ETFBKMT: variants seen among roughly 807,000 people sequenced by gnomAD.
ETFBKMT encodes the protein electron transfer flavoprotein subunit beta lysine methyltransferase.
In ETFBKMT, 13 loss-of-function variants were observed where a neutral mutation model predicts 18.3. That is an observed-to-expected ratio of 0.71 (90% CI 0.46 to 1.13). The LOEUF is 1.13. ETFBKMT is among the 50% of genes most tolerant of loss of function. The pLI is 0.00. For missense variants in ETFBKMT, 293 were observed against 306.2 expected (o/e 0.96, Z 0.32); for synonymous variants, 84 against 107.9 (o/e 0.78, Z 1.37).
chr12:31,658,511 G>T (rs537555581), upstream of ETFBKMT, among the ~76,000 whole-genome samples: 1 of 152,318 alleles, frequency 6.6e-6, no homozygotes, highest in South Asian at 2.1e-4. Context: ...AGTTCCTAAA[G>T]ATTCCAGTTT....
rs1951238168 is a variant in ETFBKMT at position 31,669,480 on chromosome 12, A to G, written c.*1490A>G. The G allele has an allele frequency of 6.6e-6, 1 of 152,180 alleles. No individual in the cohort carries two copies. Among genetic ancestry groups the G allele is most frequent in the Non-Finnish European group, 1.5e-5 (1 of 68,054 alleles). The allele number at this position is 152,180 out of a possible 1,614,324, so 9.4% of individuals were successfully genotyped here. A position where few individuals can be genotyped will look rare whatever the true frequency, so the allele number is the denominator to read the frequency against. On this transcript the variant is annotated 3_prime_UTR_variant, in exon 4 of 4. Transcript: ENST00000357721. Reference sequence around the variant, plus strand: ...CAGGTCAACGAGGCTCTGGTAAAATAGTTTCCCTTGAGAACTGGCTTTTGT... The same window carrying G: ...CAGGTCAACGAGGCTCTGGTAAAATGGTTTCCCTTGAGAACTGGCTTTTGT...
In ETFBKMT at chr12:31,669,623, A is replaced by G. The variant is rs1437419556; in HGVS notation, c.*1633A>G. The stretch of plus-strand genomic sequence containing the variant: ...AGAACCTGGTAGGTATCCTGGAGGT[A>G]AAACTATGAAAGTGTGGTGTCTCCC... On this transcript the variant is annotated 3_prime_UTR_variant, in exon 4 of 4. Transcript: ENST00000357721. 2.0e-5 allele frequency: 3 copies of G among 152,246 alleles called. No individual in the cohort carries two copies. The highest frequency in any genetic ancestry group is 1.5e-5 in the Non-Finnish European group (1 of 68,052). 9.4% of individuals were successfully genotyped at this position (152,246 alleles called of 1,614,324 possible).
chr12:31,667,527 A>G, intron 3 of ETFBKMT, 120 bp from the exon 4 acceptor site: 1 of 801,780 alleles, frequency 1.2e-6, no homozygotes, highest in Non-Finnish European at 1.9e-6. Context: ...TTTAAAAAAC[A>G]ACTTTCATCA....
chr12:31,665,650 G>A (rs753293999), intron 2 of ETFBKMT, among the ~76,000 whole-genome samples: 3 of 152,152 alleles, frequency 2.0e-5, no homozygotes, highest in Non-Finnish European at 4.4e-5. Flanking sequence ...AGACCTGAGA[G>A]CCCCGAACAG....
At chr12:31,661,080 G>A (rs533131710) in intron 1 of ETFBKMT, 53 of 152,214 alleles carry the variant, frequency 3.5e-4, no homozygotes, top group African/African-American at 1.1e-3. Flanking sequence ...TAGCATTTAC[G>A]TTGTATTAAG....
chr12:31,648,778 G>A (rs890911776), intron 1 of ETFBKMT, among the ~76,000 whole-genome samples: 4 of 151,906 alleles, frequency 2.6e-5, no homozygotes, highest in Non-Finnish European at 4.4e-5. Context: ...AGCCAGGATG[G>A]TCTCGATCTC....
chr12:31,660,904 T>C (rs1244110018), intron 1 of ETFBKMT: 1 of 152,240 alleles, frequency 6.6e-6, no homozygotes. Flanking sequence ...ATAAGCTTCC[T>C]GAAGACAGAA....
In ETFBKMT at chr12:31,661,877, C is replaced by A; in HGVS notation, c.-77C>A. ...CCGGTTGAGATCAAGTTGGGAGACA[C>A]ACCCTTGTTCATTCTCCTTGAGAAG... is the stretch of plus-strand genomic sequence containing the variant. On this transcript the variant is annotated 5_prime_UTR_variant, in exon 2 of 4. Coordinates refer to ENST00000357721, the MANE Select transcript of ETFBKMT (RefSeq NM_001135863.2). The A allele has an allele frequency of 7.4e-7, 1 of 1,353,772 alleles. No homozygotes were observed. Among genetic ancestry groups the A allele is most frequent in the Non-Finnish European group, 1.0e-6 (1 of 972,952 alleles). The allele number at this position is 1,353,772 out of a possible 1,614,324, so 83.9% of individuals were successfully genotyped here.
chr12:31,662,046 T>G lies in ETFBKMT; in HGVS notation c.93T>G (p.Cys31Trp). ...LRSSGLLLFPCGQCPWRGAGS... is the reference protein window; with the variant it reads ...LRSSGLLLFPWGQCPWRGAGS... ...GCAGTGGTCTTCTCTTGTTTCCCTGTGGCCAGTGTCCCTGGAGAGGAGCTG... is the reference window on the plus strand; with the variant it reads ...GCAGTGGTCTTCTCTTGTTTCCCTGGGGCCAGTGTCCCTGGAGAGGAGCTG... The change falls in exon 2 of 4, where the codon TGT (cysteine) becomes TGG (tryptophan). Residue 31 changes from cysteine to tryptophan, a missense_variant. Cys to Trp is a radical substitution (Grantham distance 215). Transcript: ENST00000357721. The G allele has an allele frequency of 6.2e-7, 1 of 1,614,236 alleles. No individual in the cohort carries two copies.
At chr12:31,649,726 G>A (rs1004742110) in intron 1 of ETFBKMT, among the ~76,000 whole-genome samples, 1 of 151,230 alleles carries the variant, frequency 6.6e-6, no homozygotes, top group Non-Finnish European at 1.5e-5. Flanking sequence ...ACCCATGAAA[G>A]ATGGTGAACT....
intron 1 of ETFBKMT, among the ~76,000 whole-genome samples, chr12:31,651,060 G>C (rs538341466): frequency 6.6e-6 from 1 of 152,248 alleles, no homozygotes; most frequent in South Asian, 2.1e-4. Flanking sequence ...CAGAAGGGAC[G>C]TGGAGAACAA....
intron 1 of ETFBKMT, chr12:31,660,039 C>A (rs2139617980): frequency 6.6e-6 from 1 of 151,064 alleles, no homozygotes. Context: ...TGGTGGCACG[C>A]CCCTGTAATC....
intron 1 of ETFBKMT, among the ~76,000 whole-genome samples, chr12:31,648,315 A>G (rs1169046952): frequency 1.3e-5 from 2 of 151,904 alleles, no homozygotes; most frequent in African/African-American, 4.8e-5. Flanking sequence ...TTGCATAATT[A>G]CTTTAAATCA....
At chr12:31,666,263 TC>T in intron 3 of ETFBKMT, 46 bp downstream of exon 3, 1 of 1,570,758 alleles carries the variant, frequency 6.4e-7, no homozygotes. Flanking sequence ...CTTTTTTTTT[TC>T]TCTGGGATAA....
In ETFBKMT at chr12:31,663,105, T is replaced by C. The variant is rs1004653517; in HGVS notation, c.314+838T>C. The stretch of plus-strand genomic sequence containing the variant: ...ATCTCTACAAAAAAAAATTTTTTTT[T>C]TTTTTGAGACAGAGTCTCACTCTGT... On this transcript the variant is annotated intron_variant, in intron 2 of 3. Coordinates refer to ENST00000357721, the MANE Select transcript of ETFBKMT (RefSeq NM_001135863.2). 3.3e-5 allele frequency among the ~76,000 whole-genome samples: 5 copies of C among 152,076 alleles called. No homozygotes were observed. In the East Asian group the frequency reaches 7.8e-4, roughly 24 times the overall value.
At chr12:31,657,633 AAC>A (rs1951073002), upstream of ETFBKMT, among the ~76,000 whole-genome samples, 1 of 151,936 alleles carries the variant, frequency 6.6e-6, no homozygotes, top group Non-Finnish European at 1.5e-5. Context: ...CTCTACTAAA[AAC>A]ACAAAAATTA....
intron 2 of ETFBKMT, among the ~76,000 whole-genome samples, chr12:31,665,805 G>T (rs1259059485): frequency 6.6e-6 from 1 of 151,878 alleles, no homozygotes; most frequent in Admixed American, 6.5e-5. Context: ...TGCAGCAGGA[G>T]CATGTCCTTA....
intron 3 of ETFBKMT, 118 bp downstream of exon 3, chr12:31,666,335 T>A: frequency 3.7e-6 from 4 of 1,068,982 alleles, no homozygotes; most frequent in Non-Finnish European, 5.3e-6. Flanking sequence ...TTGGACATTG[T>A]GAATCTCTGT....
At chr12:31,649,003 A>G (rs1950993018) in intron 1 of ETFBKMT, among the ~76,000 whole-genome samples, 1 of 146,260 alleles carries the variant, frequency 6.8e-6, no homozygotes, top group Non-Finnish European at 1.5e-5. Context: ...TTGGAGACGG[A>G]GTCTCGCTTT....
Sources: gnomAD v4.1 joint callset for allele counts (sites outside exome capture counted in the v4.1 genomes callset) on GRCh38, gnomAD v4.1.1 for gene constraint, MANE v1.5 for transcripts, NCBI Gene and HGNC (gene_info 2026-07-23, HGNC 2026-07-21) for gene names.